The following VWA3A variants were observed in gnomAD, a reference collection of about 807,000 sequenced individuals.
VWA3A encodes von Willebrand factor A domain containing 3A.
In VWA3A, 134 loss-of-function variants were observed where a neutral mutation model predicts 160.4. The observed-to-expected ratio is 0.84, with a 90% confidence interval of 0.73 to 0.96. The LOEUF (loss-of-function observed/expected upper bound fraction) is 0.96, where lower values mean the gene tolerates loss of function less well. VWA3A is among the 40% of genes least tolerant of loss of function. VWA3A has a pLI of 0.00. For synonymous variants in VWA3A, 476 were observed against 543.4 expected, an observed-to-expected ratio of 0.88 and a Z score of 1.72; for missense variants, 1,310 against 1,447.9, an observed-to-expected ratio of 0.90 and a Z score of 1.55.
intron 26 of VWA3A, among the ~76,000 whole-genome samples, chr16:22,144,909 G>A (rs571065067): frequency 6.6e-6 from 1 of 152,200 alleles, no homozygotes; most frequent in East Asian, 1.9e-4. Context: ...GCAGGAGCCT[G>A]ACTCTTAAAA....
At chr16:22,123,290 C>A in intron 15 of VWA3A, 125 bp downstream of exon 15, 1 of 1,121,614 alleles carries the variant, frequency 8.9e-7, no homozygotes, top group Non-Finnish European at 1.3e-6. Flanking sequence ...GGACTGTGTG[C>A]TCCACCTACA....
At chr16:22,133,199 A>G in intron 20 of VWA3A, 104 bp downstream of exon 20, 1 of 1,299,204 alleles carries the variant, frequency 7.7e-7, no homozygotes, top group Non-Finnish European at 1.1e-6. Flanking sequence ...GCAGCTTGTG[A>G]AAATCACATT....
Position 22,154,308 on chromosome 16 carries a change from C to T in VWA3A, c.3406-1259C>T, listed in dbSNP as rs368880979. Among the ~76,000 whole-genome samples, 26 of 148,812 alleles carry T rather than the reference C, an allele frequency of 1.7e-4. No individual in the cohort carries two copies. The East Asian group carries it at 3.0e-3, about 17-fold the overall frequency. On this transcript the variant is annotated intron_variant, in intron 31 of 33. Transcript: ENST00000389398. ...ACTGCCAGGCAGAAGGGATGGCTTC[C>T]TCTTTTTTCTTTTTCTTTTTTTTTT...
At chr16:22,151,105 C>A (rs963787007) in intron 30 of VWA3A, among the ~76,000 whole-genome samples, 6 of 151,748 alleles carry the variant, frequency 4.0e-5, no homozygotes, top group Admixed American at 3.9e-4. Flanking sequence ...CATGGTGAAA[C>A]CCTGTCTCTA....
intron 7 of VWA3A, among the ~76,000 whole-genome samples, chr16:22,110,522 TG>T (rs2045538114): frequency 6.6e-6 from 1 of 152,076 alleles, no homozygotes; most frequent in Non-Finnish European, 1.5e-5. Flanking sequence ...GCAGAGCTCA[TG>T]GGGGTGGCAT....
intron 8 of VWA3A, among the ~76,000 whole-genome samples, chr16:22,114,443 T>C (rs1253002202): frequency 1.3e-5 from 2 of 152,046 alleles, no homozygotes; most frequent in African/African-American, 4.8e-5. Flanking sequence ...AGAGAGTGGG[T>C]ATGGGTAAGA....
chr16:22,115,859 A>G (rs1458298919), intron 9 of VWA3A, among the ~76,000 whole-genome samples: 2 of 7,592 alleles, frequency 2.6e-4, no homozygotes, highest in Non-Finnish European at 4.3e-4. Context: ...GGAAGGAAGG[A>G]AGGAAGGAAG....
At chr16:22,119,887 A>G (rs1332658937) in intron 12 of VWA3A, among the ~76,000 whole-genome samples, 1 of 151,858 alleles carries the variant, frequency 6.6e-6, no homozygotes, top group East Asian at 1.9e-4. Flanking sequence ...GCATGGTGGC[A>G]GGCACCTGTA....
intron 10 of VWA3A, 43 bp downstream of exon 10, chr16:22,116,910 G>A (rs1598061999): frequency 1.3e-6 from 2 of 1,582,422 alleles, no homozygotes; most frequent in East Asian, 4.5e-5. Flanking sequence ...GGCTTTGGTG[G>A]TAGTGAGCTG....
intron 6 of VWA3A, 132 bp downstream of exon 6, chr16:22,103,661 G>C (rs1234219769): frequency 1.9e-6 from 2 of 1,048,010 alleles, no homozygotes; most frequent in Admixed American, 2.5e-5. Flanking sequence ...ACTAACCTAA[G>C]TAAATGAAAA....
Position 22,134,378 on chromosome 16 carries a change from G to A in VWA3A, c.2079G>A (p.Glu693=). ...FHWFGDTGIY[E]SDDINSIMSE... is the part of the protein sequence containing the mutation. ...GTGCTTTGTTTCCAGGCATTTATGA[G>A]AGCGATGACATCAACTCCATCATGT... Residue 693 remains glutamate, a synonymous_variant, in exon 21 of 34, where the codon GAG becomes GAA. Coordinates refer to ENST00000389398, the MANE Select transcript of VWA3A (RefSeq NM_173615.5). 6.3e-7 allele frequency: 1 copy of A among 1,598,696 alleles called. No homozygotes were observed. Among genetic ancestry groups the A allele is most frequent in the Non-Finnish European group, 8.5e-7 (1 of 1,172,230 alleles).
rs187872162 is a variant in VWA3A at position 22,147,391 on chromosome 16, G to A, written c.2840-771G>A. Among the ~76,000 whole-genome samples the A allele has an allele frequency of 3.1e-3, 467 of 152,192 alleles. 4 individuals are homozygous for A. The highest frequency in any genetic ancestry group is 0.01 in the African/African-American group (422 of 41,508). On this transcript the variant is annotated intron_variant, in intron 27 of 33. Transcript: ENST00000389398. ...AGGGTTGGGCTGTGGATTAAGAGAC[G>A]GTCTGGAAGCATCAAGCCCAAGAAG...
intron 16 of VWA3A, among the ~76,000 whole-genome samples, chr16:22,124,824 G>A (rs7191766): frequency 0.35 from 53,397 of 151,910 alleles, 12,499 homozygotes; most frequent in African/African-American, 0.65. Flanking sequence ...ACAGCTGGTA[G>A]GAAGCGGAAC....
intron 26 of VWA3A, 114 bp from the exon 27 acceptor site, chr16:22,146,122 A>T (rs1271566790): frequency 1.2e-6 from 1 of 859,652 alleles, no homozygotes; most frequent in Non-Finnish European, 1.8e-6. Flanking sequence ...GTGCCCAGCC[A>T]ACAAATATTT....
Position 22,144,189 on chromosome 16 carries a change from TG to T in VWA3A, c.2593-57del, listed in dbSNP as rs1317092432. The T allele has an allele frequency of 3.9e-6, 6 of 1,536,938 alleles. No individual in the cohort carries two copies. In the Admixed American group the frequency reaches 6.3e-5, roughly 16 times the overall value. On this transcript the variant is annotated intron_variant, in intron 25 of 33. Coordinates refer to ENST00000389398, the MANE Select transcript of VWA3A (RefSeq NM_173615.5). ...ATGAGGTTCTCATAGACCAGTCAGA[TG>T]ATCATTCAGTTGAGTCTGAATTGCC...
intron 1 of VWA3A, among the ~76,000 whole-genome samples, chr16:22,093,619 T>C (rs1901418355): frequency 6.6e-6 from 1 of 152,234 alleles, no homozygotes; most frequent in South Asian, 2.1e-4. Flanking sequence ...GTATTCTACA[T>C]TTGTATAGTA....
At chr16:22,152,400 G>A in intron 30 of VWA3A, 111 bp from the exon 31 acceptor site, 1 of 1,412,942 alleles carries the variant, frequency 7.1e-7, no homozygotes, top group South Asian at 1.4e-5. Context: ...CCCATTGCCA[G>A]GCTGATTTCT....
intron 21 of VWA3A, among the ~76,000 whole-genome samples, chr16:22,137,784 A>T (rs1034880503): frequency 6.6e-6 from 1 of 152,136 alleles, no homozygotes; most frequent in Non-Finnish European, 1.5e-5. Flanking sequence ...GGGTCTTCAA[A>T]CTGTTGGCAT....
At chr16:22,132,235 T>C (rs2045961322) in intron 19 of VWA3A, among the ~76,000 whole-genome samples, 1 of 151,800 alleles carries the variant, frequency 6.6e-6, no homozygotes, top group Non-Finnish European at 1.5e-5. Context: ...AATACAAAAT[T>C]AGCTGGGCGT....
Sources: allele counts gnomAD v4.1 joint callset (sites outside exome capture counted in the v4.1 genomes callset), GRCh38; gene constraint gnomAD v4.1.1; transcripts MANE v1.5; gene names NCBI Gene and HGNC (gene_info 2026-07-23, HGNC 2026-07-21).